Variants in PPP1R36 observed in about 807,000 individuals in gnomAD.
The protein encoded by PPP1R36 is chromosome 14 open reading frame 50.
Under a neutral mutation model 53.4 loss-of-function variants are expected in PPP1R36, and 47 were observed. The ratio of observed to expected loss-of-function variants is 0.88; its 90% CI spans 0.70 to 1.12. PPP1R36 has a LOEUF of 1.12. PPP1R36 is among the 50% of genes most tolerant of loss of function. The pLI is 0.00. For synonymous variants in PPP1R36, 153 were observed against 170.5 expected (o/e 0.90, Z 0.80); for missense variants, 456 against 513.9 (o/e 0.89, Z 1.09).
At chr14:64,583,807 A>T (rs1261099454) in intron 8 of PPP1R36, among the ~76,000 whole-genome samples, 1 of 136,222 alleles carries the variant, frequency 7.3e-6, no homozygotes, top group Non-Finnish European at 1.6e-5. Flanking sequence ...GTGAAACTCC[A>T]TCTCAAAAAA....
At chr14:64,565,591 T>C (rs776217412) in intron 5 of PPP1R36, 35 bp from the exon 6 acceptor site, 1 of 1,582,410 alleles carries the variant, frequency 6.3e-7, no homozygotes, top group South Asian at 1.1e-5. Context: ...GGTAGCTCTT[T>C]GTCCCTCTCT....
intron 3 of PPP1R36, among the ~76,000 whole-genome samples, chr14:64,564,522 G>A (rs1447084273): frequency 6.6e-6 from 1 of 152,208 alleles, no homozygotes; most frequent in Non-Finnish European, 1.5e-5. Flanking sequence ...GATATTCTGT[G>A]TGTGGTGGTA....
chr14:64,580,985 A>G (rs1393337071), intron 8 of PPP1R36, among the ~76,000 whole-genome samples: 1 of 152,164 alleles, frequency 6.6e-6, no homozygotes, highest in Non-Finnish European at 1.5e-5. Flanking sequence ...TATCAGGAGA[A>G]AGGAGGGTAT....
intron 8 of PPP1R36, among the ~76,000 whole-genome samples, chr14:64,579,876 A>G (rs2080373247): frequency 6.6e-6 from 1 of 152,216 alleles, no homozygotes; most frequent in Admixed American, 6.5e-5. Flanking sequence ...AGGCTGAGGC[A>G]GGAGAATAGC....
At chr14:64,575,612 A>G (rs1400764042) in intron 8 of PPP1R36, among the ~76,000 whole-genome samples, 1 of 150,900 alleles carries the variant, frequency 6.6e-6, no homozygotes, top group Non-Finnish European at 1.5e-5. Flanking sequence ...CTCTTGATAC[A>G]TACTGCTAGA....
chr14:64,575,966 G>T (rs554652302), intron 8 of PPP1R36, among the ~76,000 whole-genome samples: 1 of 150,976 alleles, frequency 6.6e-6, no homozygotes, highest in African/African-American at 2.4e-5. Flanking sequence ...AAGACATTTT[G>T]TATTACCATC....
chr14:64,561,818 G>T (rs1328864973), intron 3 of PPP1R36: 1 of 455,928 alleles, frequency 2.2e-6, no homozygotes, highest in Non-Finnish European at 4.4e-6. Context: ...CAGAGAACCA[G>T]CAGTCTGCCT....
intron 9 of PPP1R36, 117 bp downstream of exon 9, chr14:64,586,996 A>G: frequency 1.1e-6 from 1 of 883,632 alleles, no homozygotes; most frequent in Non-Finnish European, 1.8e-6. Context: ...GGTGCTAACA[A>G]GCTATATGCT....
chr14:64,587,406 ATTTC>A lies in PPP1R36; in HGVS notation c.890+38_890+41del, dbSNP rs200149415. The A allele has an allele frequency of 2.6e-3, 1,718 of 667,140 alleles. 20 individuals carry two copies. In the African/African-American group the frequency reaches 0.046, roughly 18 times the overall value. The allele number at this position is 667,140 out of a possible 1,614,324, so 41.3% of individuals were successfully genotyped here. On this transcript the variant is annotated intron_variant, in intron 10 of 11. Coordinates refer to ENST00000298705, the MANE Select transcript of PPP1R36 (RefSeq NM_172365.3). ...TTTTGACTTTCCTATGCTCAGGGGT[ATTTC>A]TTTTCTTCCTTTCCTTTCTTTTCTT...
rs945176228 is a variant in PPP1R36, at chr14:64,587,149, A to G, written c.712-45A>G. 4 of 1,471,378 alleles carry G rather than the reference A, an allele frequency of 2.7e-6. No individual in the cohort carries two copies. In the African/African-American group the frequency reaches 5.6e-5, roughly 21 times the overall value. 91.1% of individuals were successfully genotyped at this position (1,471,378 alleles called of 1,614,324 possible). Reference sequence around the variant, plus strand: ...TTATACAGACAGGTAAGAGTTTTCCATTTCACAGCTAAGGATCGTGATTCT... The same window carrying G: ...TTATACAGACAGGTAAGAGTTTTCCGTTTCACAGCTAAGGATCGTGATTCT... On this transcript the variant is annotated intron_variant, in intron 9 of 11. Transcript: ENST00000298705.
chr14:64,564,616 T>C (rs1436868790), intron 3 of PPP1R36, 135 bp from the exon 4 acceptor site: 2 of 551,668 alleles, frequency 3.6e-6, no homozygotes, highest in Non-Finnish European at 6.3e-6. Context: ...CATATATAAA[T>C]AGATGAATTG....
intron 2 of PPP1R36, chr14:64,551,558 T>C: frequency 4.4e-6 from 2 of 456,006 alleles, no homozygotes; most frequent in East Asian, 6.9e-5. Flanking sequence ...GCACTGATTG[T>C]GTGCCAGATA....
chr14:64,576,197 C>T (rs548111750), intron 8 of PPP1R36, among the ~76,000 whole-genome samples: 3 of 150,834 alleles, frequency 2.0e-5, no homozygotes, highest in African/African-American at 7.3e-5. Flanking sequence ...TCTCCTGTCT[C>T]GGCCTCCCGA....
intron 1 of PPP1R36, 87 bp downstream of exon 1, chr14:64,550,153 C>A: frequency 6.7e-7 from 1 of 1,493,388 alleles, no homozygotes; most frequent in Non-Finnish European, 9.0e-7. Flanking sequence ...CCCTCGCCCT[C>A]CTCCAGAGGC....
At chr14:64,587,593 T>A (rs1217544576) in intron 10 of PPP1R36, among the ~76,000 whole-genome samples, 2 of 151,384 alleles carry the variant, frequency 1.3e-5, no homozygotes. Flanking sequence ...CCCGAGTAGC[T>A]AGGATTACAG....
At chr14:64,565,145 T>G (rs1319823350) in intron 4 of PPP1R36, among the ~76,000 whole-genome samples, 2 of 152,232 alleles carry the variant, frequency 1.3e-5, no homozygotes, top group African/African-American at 4.8e-5. Context: ...TACTTACATT[T>G]TATATCAGGC....
At chr14:64,589,059 CACAT>C in intron 11 of PPP1R36, 89 bp from the exon 12 acceptor site, 1 of 869,888 alleles carries the variant, frequency 1.1e-6, no homozygotes, top group Non-Finnish European at 1.8e-6. Flanking sequence ...CATACACACA[CACAT>C]ACATACACAC....
Position 64,565,421 on chromosome 14 carries a change from C to G in PPP1R36, c.334C>G (p.Gln112Glu). The change falls in exon 5 of 12, where the codon CAA (glutamine) becomes GAA (glutamate). Residue 112 changes from glutamine (Q) to glutamate (E), a missense_variant. Coordinates refer to ENST00000298705, the MANE Select transcript of PPP1R36 (RefSeq NM_172365.3). ...AGCTAAAGCTGTAGAGAAACGAGGT[C>G]AACAGGGCACCATTACACTGGATGA... is the stretch of plus-strand genomic sequence containing the variant. ...KSAKAVEKRGQQGTITLDDVK... is the reference protein window; with the variant it reads ...KSAKAVEKRGEQGTITLDDVK... 1 of 1,613,324 alleles carries G rather than the reference C, an allele frequency of 6.2e-7. No individual in the cohort carries two copies. The highest frequency in any genetic ancestry group is 8.5e-7 in the Non-Finnish European group (1 of 1,179,376).
intron 8 of PPP1R36, 47 bp downstream of exon 8, chr14:64,574,636 T>G (rs773421033): frequency 1.3e-6 from 2 of 1,559,110 alleles, no homozygotes; most frequent in Admixed American, 4.0e-5. Flanking sequence ...CATCATAGAC[T>G]CACATCCTTA....
Sources: gnomAD v4.1 joint callset for allele counts (sites outside exome capture counted in the v4.1 genomes callset) on GRCh38, gnomAD v4.1.1 for gene constraint, MANE v1.5 for transcripts, NCBI Gene and HGNC (gene_info 2026-07-23, HGNC 2026-07-21) for gene names.